MYO1F: variants seen among roughly 807,000 people sequenced by gnomAD.
MYO1F encodes unconventional myosin-If.
In MYO1F, 60 loss-of-function variants were observed where a neutral mutation model predicts 146.6. The observed-to-expected ratio is 0.41, with a 90% CI of 0.33 to 0.51. The LOEUF is 0.51. MYO1F is among the 20% of genes least tolerant of loss of function. MYO1F has a pLI of 0.25. For missense variants in MYO1F, 1,274 were observed against 1,534.3 expected, an observed-to-expected ratio of 0.83 and a Z score of 2.83; for synonymous variants, 602 against 602.1, an observed-to-expected ratio of 1.00 and a Z score of 0.00.
intron 19 of MYO1F, among the ~76,000 whole-genome samples, chr19:8,531,406 T>TGGTGCAGTCATAGCTCACTGCA (rs1319234232): frequency 1.3e-5 from 2 of 152,150 alleles, no homozygotes; most frequent in Non-Finnish European, 2.9e-5. Flanking sequence ...TGGAGTGTGG[T>TGGTGCAGTCATAGCTCACTGCA]GGTGCAGTCA....
chr19:8,537,116 T>C, intron 16 of MYO1F, 61 bp from the exon 17 acceptor site: 1 of 1,133,066 alleles, frequency 8.8e-7, no homozygotes, highest in African/African-American at 1.5e-5. Flanking sequence ...CTGGCCCCTC[T>C]TTTTTCCACC....
Position 8,550,253 on chromosome 19 carries a change from G to A in MYO1F, c.1008C>T (p.Ser336=), listed in dbSNP as rs763111087. The A allele has an allele frequency of 8.1e-6, 13 of 1,614,178 alleles. No individual in the cohort carries two copies. The highest frequency in any genetic ancestry group is 1.1e-5 in the Non-Finnish European group (13 of 1,180,042). ...GCTCCACGTTGAGGGTCACATTGAT[G>A]GACTCGCTGCGCCCGCCCCAGCGGC... The part of the protein sequence containing the change: ...MDSRWGGRSE[S]INVTLNVEQA... The change falls in exon 10 of 28, where the codon TCC becomes TCT. Residue 336 remains serine, a synonymous_variant. Coordinates refer to ENST00000644032, the MANE Select transcript of MYO1F (RefSeq NM_012335.4).
chr19:8,572,371 G>A (rs142542540), intron 1 of MYO1F, among the ~76,000 whole-genome samples: 1 of 151,980 alleles, frequency 6.6e-6, no homozygotes, highest in East Asian at 1.9e-4. Flanking sequence ...GGGTTCAAGC[G>A]ATTCTGCTGC....
intron 1 of MYO1F, among the ~76,000 whole-genome samples, chr19:8,574,571 C>CTT (rs1157495278): frequency 1.1e-5 from 1 of 90,008 alleles, no homozygotes; most frequent in Non-Finnish European, 2.2e-5. Flanking sequence ...TTCTTTCTTT[C>CTT]TTTCTTTCTC....
chr19:8,539,322 G>T (rs1031468245), intron 16 of MYO1F, among the ~76,000 whole-genome samples: 1 of 151,848 alleles, frequency 6.6e-6, no homozygotes. Context: ...GCTGAGGCAG[G>T]AGAATCACTT....
chr19:8,532,022 G>A (rs1488164462), intron 19 of MYO1F, among the ~76,000 whole-genome samples: 1 of 152,114 alleles, frequency 6.6e-6, no homozygotes, highest in East Asian at 1.9e-4. Flanking sequence ...GGAGGCTGAG[G>A]CAGGAGAATC....
chr19:8,565,313 C>T (rs929576553), intron 1 of MYO1F, among the ~76,000 whole-genome samples: 1 of 151,716 alleles, frequency 6.6e-6, no homozygotes, highest in Non-Finnish European at 1.5e-5. Context: ...GAGGTTGACT[C>T]GGGCAGATCA....
At chr19:8,537,655 A>G (rs1460663069) in intron 16 of MYO1F, among the ~76,000 whole-genome samples, 1 of 152,082 alleles carries the variant, frequency 6.6e-6, no homozygotes, top group Non-Finnish European at 1.5e-5. Flanking sequence ...GCTGGTCATG[A>G]ACTCCTGACC....
intron 27 of MYO1F, among the ~76,000 whole-genome samples, 162 bp downstream of exon 27, chr19:8,522,215 G>C (rs867831733): frequency 2.0e-5 from 3 of 151,928 alleles, no homozygotes; most frequent in South Asian, 2.1e-4. Context: ...GTAGAGACGG[G>C]GTTTCACTGT....
chr19:8,543,597 A>G (rs1028404692), intron 14 of MYO1F, among the ~76,000 whole-genome samples: 3 of 151,020 alleles, frequency 2.0e-5, no homozygotes, highest in Non-Finnish European at 4.4e-5. Context: ...TGTGGCCTGG[A>G]TCAGAGGTCA....
intron 16 of MYO1F, 104 bp from the exon 17 acceptor site, chr19:8,537,159 G>A (rs1335014289): frequency 1.3e-6 from 1 of 789,006 alleles, no homozygotes; most frequent in East Asian, 2.7e-5. Flanking sequence ...GAGACTGGGG[G>A]TGGGTGAGGG....
intron 19 of MYO1F, among the ~76,000 whole-genome samples, chr19:8,535,990 T>C (rs1342790229): frequency 6.6e-6 from 1 of 152,068 alleles, no homozygotes. Context: ...AGTCGCAGTC[T>C]TTCTTAATCT....
rs764762806 is a variant in MYO1F at position 8,544,436 on chromosome 19, T to A, written c.1385A>T (p.Asp462Val). ...LSPPGIMSVL[D>V]DVCATMHATG... ...GGCGTGCATGGTGGCGCACACGTCG[T>A]CCAAGACGCTCATGATGCCTGGGGG... The change falls in exon 14 of 28, where the codon GAC (aspartate) becomes GTC (valine). Residue 462 changes from aspartate (D) to valine (V), a missense_variant. Coordinates refer to ENST00000644032, the MANE Select transcript of MYO1F (RefSeq NM_012335.4). The A allele has an allele frequency of 6.2e-7, 1 of 1,611,666 alleles. No individual in the cohort carries two copies. The highest frequency in any genetic ancestry group is 8.5e-7 in the Non-Finnish European group (1 of 1,179,738).
intron 1 of MYO1F, among the ~76,000 whole-genome samples, chr19:8,563,956 A>G (rs2041954046): frequency 6.6e-6 from 1 of 152,196 alleles, no homozygotes; most frequent in African/African-American, 2.4e-5. Flanking sequence ...ATATTTGGAC[A>G]CACATTTTAT....
At chr19:8,544,255 T>C (rs767556359) in intron 14 of MYO1F, 42 bp downstream of exon 14, 1 of 1,605,676 alleles carries the variant, frequency 6.2e-7, no homozygotes, top group Non-Finnish European at 8.5e-7. Flanking sequence ...GCCCTGGGGG[T>C]CTGCGAGGAG....
At chr19:8,565,172 CAGGCG>C (rs1568372546) in intron 1 of MYO1F, among the ~76,000 whole-genome samples, 2 of 152,064 alleles carry the variant, frequency 1.3e-5, no homozygotes, top group Admixed American at 1.3e-4. Context: ...GCTGGGAGTA[CAGGCG>C]TGAGCCACCA....
intron 24 of MYO1F, 118 bp from the exon 25 acceptor site, chr19:8,525,680 C>T: frequency 3.6e-6 from 3 of 840,332 alleles, no homozygotes; most frequent in Non-Finnish European, 5.9e-6. Context: ...CTCCCATTAG[C>T]ACCGCCCCTT....
chr19:8,542,505 C>G (rs1599950585), intron 14 of MYO1F, among the ~76,000 whole-genome samples: 1 of 151,946 alleles, frequency 6.6e-6, no homozygotes, highest in African/African-American at 2.4e-5. Flanking sequence ...GCTGGAGCTG[C>G]TACCAAAGGT....
intron 1 of MYO1F, among the ~76,000 whole-genome samples, chr19:8,567,070 T>C (rs969113032): frequency 1.3e-5 from 2 of 149,928 alleles, no homozygotes; most frequent in Non-Finnish European, 3.0e-5. Flanking sequence ...TTTTTTTTTT[T>C]TTTTTTTTTG....
Sources: gnomAD v4.1 joint callset for allele counts (sites outside exome capture counted in the v4.1 genomes callset) on GRCh38, gnomAD v4.1.1 for gene constraint, MANE v1.5 for transcripts, NCBI Gene and HGNC (gene_info 2026-07-23, HGNC 2026-07-21) for gene names.